The following CCDC7 variants were observed in gnomAD, a reference collection of about 807,000 sequenced individuals.
CCDC7 encodes the protein coiled-coil domain containing 7, also known as coiled-coil domain-containing protein 7.
In CCDC7, 183 loss-of-function variants were observed where a neutral mutation model predicts 196.9. That is an observed-to-expected ratio of 0.93 (90% CI 0.82 to 1.05). The LOEUF (loss-of-function observed/expected upper bound fraction) is 1.05, where lower values mean the gene tolerates loss of function less well. CCDC7 is among the 50% of genes least tolerant of loss of function. CCDC7 has a pLI of 0.00. For missense variants in CCDC7, 1,540 were observed against 1,482.2 expected (o/e 1.04, Z -0.64); for synonymous variants, 525 against 484.6 (o/e 1.08, Z -1.10).
At chr10:32,713,759 G>A (rs1163701540) in intron 25 of CCDC7, among the ~76,000 whole-genome samples, 1 of 152,142 alleles carries the variant, frequency 6.6e-6, no homozygotes, top group Non-Finnish European at 1.5e-5. Context: ...CCTGGATTGA[G>A]CAGCAGAGGG....
intron 2 of CCDC7, 29 bp downstream of exon 3, chr10:32,453,465 C>T (rs2033606866): frequency 7.3e-7 from 1 of 1,368,968 alleles, no homozygotes. Context: ...AATATAGAGA[C>T]ATTAACACTG....
chr10:32,797,310 A>G (rs1266773393), intron 29 of CCDC7, among the ~76,000 whole-genome samples: 3 of 151,510 alleles, frequency 2.0e-5, no homozygotes, highest in Admixed American at 6.6e-5. Flanking sequence ...TATATAATAT[A>G]TATCATGGAA....
rs1727004829 is a variant in CCDC7 at position 32,714,442 on chromosome 10, G to T, written c.2569+2712G>T. Among the ~76,000 whole-genome samples the T allele has an allele frequency of 2.6e-5, 4 of 152,158 alleles. No homozygotes were observed. The South Asian group carries it at 8.3e-4, about 32-fold the overall frequency. ...ATTCCTTTGGGTGCCTACACCACCA[G>T]GGCCCTAGGTTTCAAGCACAAAACT... On this transcript the variant is annotated intron_variant, in intron 25 of 41. Coordinates refer to ENST00000639629, the Ensembl canonical transcript of CCDC7.
chr10:32,850,793 ACACAC>A (rs763143813), intron 39 of CCDC7, among the ~76,000 whole-genome samples: 1,196 of 59,498 alleles, frequency 0.02, 8 homozygotes, highest in South Asian at 0.044. Context: ...ACACACACAC[ACACAC>A]ACACACACAC....
At chr10:32,625,522 A>G (rs950610059) in intron 18 of CCDC7, among the ~76,000 whole-genome samples, 20 of 151,990 alleles carry the variant, frequency 1.3e-4, no homozygotes, top group African/African-American at 4.8e-4. Context: ...TGATTTACGA[A>G]TATAATGTGG....
At chr10:32,639,727 A>T (rs1485485865) in intron 20 of CCDC7, among the ~76,000 whole-genome samples, 1 of 149,500 alleles carries the variant, frequency 6.7e-6, no homozygotes, top group Non-Finnish European at 1.5e-5. Context: ...TCCTGGCTTC[A>T]CGCCATTCTC....
At chr10:32,723,866 CTA>C (rs1423035629) in intron 25 of CCDC7, among the ~76,000 whole-genome samples, 2 of 152,028 alleles carry the variant, frequency 1.3e-5, no homozygotes, top group Non-Finnish European at 2.9e-5. Flanking sequence ...GCATCGCAGG[CTA>C]TCTTTCAGTG....
chr10:32,518,708 C>CAG (rs3031312), intron 11 of CCDC7, among the ~76,000 whole-genome samples: 150,929 of 152,244 alleles, frequency 0.99, 74,821 homozygotes, highest in Middle Eastern at 1. Context: ...CATGAAAAAA[C>CAG]ATAAAATTTA....
chr10:32,460,780 T>TTTGTTA (rs2035466220), intron 3 of CCDC7, among the ~76,000 whole-genome samples: 1 of 152,188 alleles, frequency 6.6e-6, no homozygotes, highest in Non-Finnish European at 1.5e-5. Flanking sequence ...TGCAAAGCAA[T>TTTGTTA]CACCTGCAGG....
intron 28 of CCDC7, among the ~76,000 whole-genome samples, chr10:32,770,276 T>A (rs2078975497): frequency 2.0e-5 from 3 of 152,218 alleles, no homozygotes; most frequent in Admixed American, 1.3e-4. Context: ...CTCTTAGCAC[T>A]GCTTTTGCTG....
At chr10:32,824,554 G>A (rs369878312) in exon 32 of CCDC7, 2 of 1,612,040 alleles carry the variant, frequency 1.2e-6, no homozygotes, top group African/African-American at 1.3e-5. Context: ...ACTGAGAGAG[G>A]TACAATAAAT....
At chr10:32,567,553 A>G in intron 14 of CCDC7, 117 bp from the exon 16 acceptor site, 2 of 1,193,376 alleles carry the variant, frequency 1.7e-6, no homozygotes, top group Admixed American at 2.9e-5. Context: ...CCTTCAACTC[A>G]GTAAAAATGA....
intron 8 of CCDC7, among the ~76,000 whole-genome samples, chr10:32,483,198 A>G (rs947319029): frequency 6.6e-5 from 10 of 152,048 alleles, no homozygotes; most frequent in Non-Finnish European, 1.5e-4. Flanking sequence ...ATTCTAACTG[A>G]TGTGAGATGG....
intron 16 of CCDC7, 111 bp downstream of exon 17, chr10:32,572,004 C>T (rs746400976): frequency 2.9e-5 from 30 of 1,020,208 alleles, no homozygotes; most frequent in Middle Eastern, 5.0e-4. Context: ...CTCTTTGAAA[C>T]TAATTTTAAG....
intron 18 of CCDC7, 48 bp from the exon 20 acceptor site, chr10:32,634,206 A>G (rs1336605826): frequency 1.2e-5 from 10 of 835,552 alleles, no homozygotes; most frequent in Admixed American, 8.7e-5. Context: ...AGATTTCACA[A>G]TAGAGCTCTT....
intron 9 of CCDC7, chr10:32,511,467 C>T: frequency 6.2e-7 from 1 of 1,607,476 alleles, no homozygotes; most frequent in Non-Finnish European, 8.5e-7. Context: ...TTCATATATA[C>T]TCTGATTCTT....
chr10:32,780,992 AT>A (rs1173236659), intron 29 of CCDC7, among the ~76,000 whole-genome samples: 4 of 152,186 alleles, frequency 2.6e-5, no homozygotes, highest in African/African-American at 9.6e-5. Flanking sequence ...ATTACAACCA[AT>A]TTTAAAAGAA....
At chr10:32,758,180 G>A (rs554886042) in intron 28 of CCDC7, among the ~76,000 whole-genome samples, 109 of 151,962 alleles carry the variant, frequency 7.2e-4, no homozygotes, top group African/African-American at 2.5e-3. Context: ...TACAAAAAGG[G>A]GCTGGGACCA....
Position 32,577,761 on chromosome 10 carries a change from A to C in CCDC7, c.1455-5273A>C, listed in dbSNP as rs368002259. ...TATTTTATGAATTTGTCTAAGGTCT[A>C]ATTGATTGGATGTGCTATATCCCCC... On this transcript the variant is annotated intron_variant, in intron 16 of 41. Coordinates refer to ENST00000639629, the Ensembl canonical transcript of CCDC7. Among the ~76,000 whole-genome samples the C allele has an allele frequency of 2.6e-5, 4 of 152,244 alleles. No individual in the cohort carries two copies. In the East Asian group the frequency reaches 7.7e-4, roughly 29 times the overall value.
Sources: allele counts gnomAD v4.1 joint callset (sites outside exome capture counted in the v4.1 genomes callset), GRCh38; gene constraint gnomAD v4.1.1; transcripts MANE v1.5; gene names NCBI Gene and HGNC (gene_info 2026-07-23, HGNC 2026-07-21).